Variants in IRF8 observed in about 807,000 individuals in gnomAD.
IRF8 encodes interferon consensus sequence binding protein 1.
In IRF8, 14 loss-of-function variants were observed where a neutral mutation model predicts 48.7. The ratio of observed to expected loss-of-function variants is 0.29; its 90% CI spans 0.19 to 0.45. The LOEUF (loss-of-function observed/expected upper bound fraction) is 0.45, where lower values mean the gene tolerates loss of function less well. IRF8 is among the 20% of genes least tolerant of loss of function. IRF8 has a pLI of 1.00. For synonymous variants in IRF8, 278 were observed against 227.3 expected (o/e 1.22, Z -2.01); for missense variants, 493 against 580.7 (o/e 0.85, Z 1.55).
At chr16:85,899,564 T>A (rs141349420) in intron 1 of IRF8, among the ~76,000 whole-genome samples, 1 of 152,326 alleles carries the variant, frequency 6.6e-6, no homozygotes, top group African/African-American at 2.4e-5. Context: ...AAACGCGCTC[T>A]ATCATCCCAC....
chr16:85,907,164 T>C (rs1905030225), intron 2 of IRF8, among the ~76,000 whole-genome samples: 1 of 152,212 alleles, frequency 6.6e-6, no homozygotes, highest in East Asian at 1.9e-4. Flanking sequence ...TGCTCACTAA[T>C]GGGAATGTTC....
At chr16:85,911,689 C>A in intron 4 of IRF8, 31 bp downstream of exon 4, 2 of 1,587,984 alleles carry the variant, frequency 1.3e-6, no homozygotes, top group Non-Finnish European at 8.6e-7. Context: ...AGGGGTCTGG[C>A]CCTGCCAGGA....
chr16:85,901,605 A>C (rs1519978), intron 1 of IRF8, among the ~76,000 whole-genome samples: 1 of 151,998 alleles, frequency 6.6e-6, no homozygotes, highest in Non-Finnish European at 1.5e-5. Context: ...GTGACAGAGC[A>C]AGACCCTGTC....
intron 8 of IRF8, among the ~76,000 whole-genome samples, chr16:85,920,698 C>T (rs78082074): frequency 0.012 from 1,768 of 152,278 alleles, 39 homozygotes; most frequent in African/African-American, 0.041. Context: ...TTGCCATCTC[C>T]GAGCCATCTT....
At chr16:85,910,170 C>T (rs894135170) in intron 3 of IRF8, among the ~76,000 whole-genome samples, 3 of 152,188 alleles carry the variant, frequency 2.0e-5, no homozygotes, top group Non-Finnish European at 2.9e-5. Flanking sequence ...AAGGAGGCAG[C>T]ATGATGGTAA....
At position 85,918,528 on chromosome 16, in the gene IRF8, G is replaced by A. The variant is rs1461824464; in HGVS notation, c.713G>A (p.Gly238Asp). 1 of 1,599,982 alleles carries A rather than the reference G, an allele frequency of 6.3e-7. No individual in the cohort carries two copies. The highest frequency in any genetic ancestry group is 8.5e-7 in the Non-Finnish European group (1 of 1,177,798). Reference sequence around the variant, plus strand: ...TCCCTGAGCCAGCCTGGGCTGCCCGGCACCAAGCTGTATGGGCCCGAGGGC... The same window carrying A: ...TCCCTGAGCCAGCCTGGGCTGCCCGACACCAAGCTGTATGGGCCCGAGGGC... Reference protein sequence around the residue: ...RLSLSQPGLPGTKLYGPEGLE... With the variant: ...RLSLSQPGLPDTKLYGPEGLE... The change falls in exon 7 of 9, where the codon GGC (glycine) becomes GAC (aspartate). Residue 238 changes from glycine to aspartate, a missense_variant. Around this residue, in one of 3 missense-constraint regions of IRF8, gnomAD observed 408 missense variants for 449.6 expected, o/e 0.91. Transcript: ENST00000268638.
intron 5 of IRF8, 74 bp downstream of exon 5, chr16:85,913,310 G>C (rs987293947): frequency 3.8e-6 from 4 of 1,051,776 alleles, no homozygotes; most frequent in Non-Finnish European, 5.9e-6. Flanking sequence ...GCCAGGGACG[G>C]AGTGGGGGTG....
chr16:85,906,367 C>T (rs944464655), intron 2 of IRF8, among the ~76,000 whole-genome samples: 1 of 152,184 alleles, frequency 6.6e-6, no homozygotes, highest in Non-Finnish European at 1.5e-5. Flanking sequence ...TGAAATCACT[C>T]TCATGTCTAG....
intron 2 of IRF8, among the ~76,000 whole-genome samples, chr16:85,904,969 T>C (rs1294639236): frequency 6.6e-6 from 1 of 152,126 alleles, no homozygotes; most frequent in Non-Finnish European, 1.5e-5. Context: ...CCACTGTTGA[T>C]GTCTGGGTCT....
chr16:85,914,888 G>A (rs1905254018), intron 6 of IRF8, among the ~76,000 whole-genome samples: 1 of 152,210 alleles, frequency 6.6e-6, no homozygotes, highest in African/African-American at 2.4e-5. Flanking sequence ...GAGCTGGCGA[G>A]TGGCCTCTTT....
rs758262133 is a variant in IRF8, at chr16:85,921,163, G to A, written c.1162G>A (p.Gly388Ser). The A allele has an allele frequency of 2.9e-5, 47 of 1,614,068 alleles. No individual in the cohort carries two copies. Among genetic ancestry groups the A allele is most frequent in the African/African-American group, 4.0e-5 (3 of 74,950 alleles). Residue 388 changes from glycine (G) to serine (S), a missense_variant, in exon 9 of 9, where the codon GGC (glycine) becomes AGC (serine). Around this residue, in one of 3 missense-constraint regions of IRF8, gnomAD observed 408 missense variants for 449.6 expected, o/e 0.91. Transcript: ENST00000268638. ...AEEAGKSCGA[G>S]SVMQAPEEPP... is the part of the protein sequence containing the mutation. The stretch of plus-strand genomic sequence containing the variant: ...AGAGGCTGGGAAGAGCTGTGGAGCC[G>A]GCTCTGTGATGCAGGCCCCCGAGGA...
At chr16:85,910,210 G>T (rs1421169550) in intron 3 of IRF8, among the ~76,000 whole-genome samples, 2 of 152,196 alleles carry the variant, frequency 1.3e-5, no homozygotes, top group Non-Finnish European at 2.9e-5. Flanking sequence ...CGAGGTGCTG[G>T]TGAATGTGGC....
intron 3 of IRF8, 197 bp downstream of exon 3, chr16:85,909,370 T>A (rs1905083749): frequency 1.6e-6 from 1 of 613,988 alleles, no homozygotes; most frequent in Non-Finnish European, 2.9e-6. Flanking sequence ...GGAGATTGGG[T>A]GCTGCCCAAC....
intron 1 of IRF8, among the ~76,000 whole-genome samples, chr16:85,900,253 A>T (rs1904788060): frequency 6.6e-6 from 1 of 152,248 alleles, no homozygotes; most frequent in Admixed American, 6.5e-5. Context: ...AATCTGGATT[A>T]GGTGGGCCCA....
In IRF8 at chr16:85,906,807, A is replaced by G. The variant is rs117600116; in HGVS notation, c.175-2183A>G. Among the ~76,000 whole-genome samples, 1,225 of 152,196 alleles carry G rather than the reference A, an allele frequency of 8.0e-3. 9 individuals are homozygous for G. The highest frequency in any genetic ancestry group is 9.5e-3 in the Non-Finnish European group (647 of 68,000). On this transcript the variant is annotated intron_variant, in intron 2 of 8. Transcript: ENST00000268638. Reference sequence around the variant, plus strand: ...TTTGGAGACCTTTTTTGGTTGTCACAGCTAGGGGAGGGGTGCTATTGGCAT... The same window carrying G: ...TTTGGAGACCTTTTTTGGTTGTCACGGCTAGGGGAGGGGTGCTATTGGCAT...
rs983323069 is a variant in IRF8, at chr16:85,921,496, TA to T, written c.*216del. On this transcript the variant is annotated 3_prime_UTR_variant, in exon 9 of 9. Transcript: ENST00000268638. ...GATGTCGGTGATGGCCTGGATGCTG[TA>T]ACCACAACCTGTGGCTAAAAATTTT... 5 of 601,122 alleles carry T rather than the reference TA, an allele frequency of 8.3e-6. No individual in the cohort carries two copies. The highest frequency in any genetic ancestry group is 7.4e-5 in the African/African-American group (4 of 53,932). The allele number at this position is 601,122 out of a possible 1,614,324, so 37.2% of individuals were successfully genotyped here.
At chr16:85,918,827 G>T (rs1170248551) in intron 7 of IRF8, 24 bp downstream of exon 7, 1 of 1,603,380 alleles carries the variant, frequency 6.2e-7, no homozygotes. Context: ...TCACCTTGCT[G>T]CCCCCACATC....
At chr16:85,917,289 C>T (rs1363368646) in intron 6 of IRF8, among the ~76,000 whole-genome samples, 3 of 152,138 alleles carry the variant, frequency 2.0e-5, no homozygotes, top group South Asian at 2.1e-4. Context: ...TCATTGCTAG[C>T]GTATGTAATT....
chr16:85,918,767 G>A lies in IRF8; in HGVS notation c.952G>A (p.Val318Met), dbSNP rs759196494. Residue 318 changes from valine to methionine, a missense_variant, in exon 7 of 9, where the codon GTG becomes ATG. Val to Met is a conservative substitution (Grantham distance 21, BLOSUM62 1). This residue lies in a region of IRF8 where 408 missense variants were observed against 449.6 expected (regional missense o/e 0.91). Transcript: ENST00000268638. ...GRPNKLERDE[V>M]VQVFDTSQFF... Reference sequence around the variant, plus strand: ...GCCCAACAAGCTGGAGCGTGATGAGGTGGTCCAGGTCTTCGACACCAGCCA... The same window carrying A: ...GCCCAACAAGCTGGAGCGTGATGAGATGGTCCAGGTCTTCGACACCAGCCA... 11 of 1,611,340 alleles carry A rather than the reference G, an allele frequency of 6.8e-6. No homozygotes were observed. Among genetic ancestry groups the A allele is most frequent in the Non-Finnish European group, 9.3e-6 (11 of 1,180,048 alleles).
Sources: allele counts gnomAD v4.1 joint callset (sites outside exome capture counted in the v4.1 genomes callset), GRCh38; gene constraint gnomAD v4.1.1; regional missense constraint gnomAD v4.1.1; transcripts MANE v1.5; gene names NCBI Gene and HGNC (gene_info 2026-07-23, HGNC 2026-07-21).